Variants in MYO1E observed in about 807,000 individuals in gnomAD.
The protein encoded by MYO1E is unconventional myosin-Ie.
Under a neutral mutation model 151.1 loss-of-function variants are expected in MYO1E, and 68 were observed. The observed-to-expected ratio is 0.45, with a 90% CI of 0.37 to 0.55. MYO1E has a LOEUF of 0.55. Among genes scored for constraint, MYO1E ranks in the 20% least tolerant of loss-of-function variants. MYO1E has a pLI of 0.00. For synonymous variants in MYO1E, 601 were observed against 501.7 expected, an observed-to-expected ratio of 1.20 and a Z score of -2.64; for missense variants, 1,363 against 1,389.3, an observed-to-expected ratio of 0.98 and a Z score of 0.30.
intron 10 of MYO1E, among the ~76,000 whole-genome samples, chr15:59,217,202 G>A (rs940407985): frequency 7.9e-5 from 12 of 152,162 alleles, no homozygotes; most frequent in Admixed American, 2.0e-4. Flanking sequence ...AAGTGCTTAT[G>A]GTTTCAAGCC....
At chr15:59,148,127 TG>T (rs2079453056) in intron 26 of MYO1E, among the ~76,000 whole-genome samples, 1 of 151,840 alleles carries the variant, frequency 6.6e-6, no homozygotes, top group Non-Finnish European at 1.5e-5. Context: ...CCCTGAGGAG[TG>T]GGTTTTCAAA....
At chr15:59,344,148 C>T (rs1259466373) in intron 1 of MYO1E, among the ~76,000 whole-genome samples, 1 of 152,208 alleles carries the variant, frequency 6.6e-6, no homozygotes, top group Non-Finnish European at 1.5e-5. Context: ...ACCCATCCTT[C>T]TTGGGAAGGC....
At chr15:59,372,361 G>T (rs532832585) in intron 1 of MYO1E, 137 bp downstream of exon 1, 2 of 1,068,980 alleles carry the variant, frequency 1.9e-6, no homozygotes, top group Admixed American at 2.0e-5. Context: ...GGAAATCAGA[G>T]CTCGCGACGT....
chr15:59,362,324 C>A (rs1438970000), intron 1 of MYO1E, among the ~76,000 whole-genome samples: 3 of 152,164 alleles, frequency 2.0e-5, no homozygotes, highest in African/African-American at 4.8e-5. Flanking sequence ...CATATTGATA[C>A]CATATTATCA....
At chr15:59,299,804 G>A (rs184480772) in intron 1 of MYO1E, among the ~76,000 whole-genome samples, 5 of 152,238 alleles carry the variant, frequency 3.3e-5, no homozygotes, top group Non-Finnish European at 7.4e-5. Context: ...AGAAACACCA[G>A]CCCAAATTCT....
intron 18 of MYO1E, among the ~76,000 whole-genome samples, chr15:59,185,614 G>C (rs2140324011): frequency 6.6e-6 from 1 of 152,346 alleles, no homozygotes; most frequent in South Asian, 2.1e-4. Flanking sequence ...GGTAGCTGAT[G>C]CCTGTAATCC....
At chr15:59,261,534 A>G (rs369655005) in intron 2 of MYO1E, 25 bp from the exon 3 acceptor site, 22 of 1,400,346 alleles carry the variant, frequency 1.6e-5, no homozygotes, top group Non-Finnish European at 2.1e-5. Context: ...GTTAAGGTCC[A>G]TCATTAATAT....
At chr15:59,207,479 G>A in intron 14 of MYO1E, 3 of 1,613,950 alleles carry the variant, frequency 1.9e-6, no homozygotes, top group Non-Finnish European at 2.5e-6. Flanking sequence ...AGCCCCCACT[G>A]CAAACTGATT....
At chr15:59,208,136 G>A in intron 14 of MYO1E, 1 of 1,472,014 alleles carries the variant, frequency 6.8e-7, no homozygotes, top group Non-Finnish European at 9.1e-7. Context: ...CATAGATACA[G>A]GATTATATAA....
At chr15:59,237,628 G>T (rs146847033) in intron 4 of MYO1E, among the ~76,000 whole-genome samples, 3,584 of 145,384 alleles carry the variant, frequency 0.025, 86 homozygotes, top group Non-Finnish European at 0.028. Context: ...CAAGTTCATA[G>T]GACAATATTT....
intron 4 of MYO1E, among the ~76,000 whole-genome samples, chr15:59,241,175 A>C (rs77500619): frequency 0.031 from 4,760 of 152,304 alleles, 248 homozygotes; most frequent in African/African-American, 0.11. Context: ...TGAGCCATAC[A>C]TAAGAGGCAA....
At chr15:59,206,767 G>C in intron 14 of MYO1E, 2 of 619,162 alleles carry the variant, frequency 3.2e-6, no homozygotes, top group South Asian at 2.0e-5. Context: ...CCCACGGAAA[G>C]CACGTGTCGG....
chr15:59,179,127 T>G (rs899624122), intron 18 of MYO1E, among the ~76,000 whole-genome samples: 1 of 152,164 alleles, frequency 6.6e-6, no homozygotes, highest in Non-Finnish European at 1.5e-5. Flanking sequence ...ACCATGCCCT[T>G]TCCTTCCTCG....
chr15:59,222,777 G>C (rs2079963977), intron 9 of MYO1E, among the ~76,000 whole-genome samples: 1 of 152,150 alleles, frequency 6.6e-6, no homozygotes. Flanking sequence ...TTAAACCAAG[G>C]TGTGAAATCC....
rs774652175 is a variant in MYO1E, at chr15:59,224,705, TCCCGCC to T, written c.755_760del (p.Arg252_Glu254delinsLys). 2.5e-4 allele frequency: 400 copies of T among 1,614,040 alleles called. No homozygotes were observed. The highest frequency in any genetic ancestry group is 3.2e-4 in the Non-Finnish European group (377 of 1,180,034). ...AGCACTTACCAGAGTTTCCTGAAAC[TCCCGCC>T]TGTCGTCAATGTCATCAACCTTGTA... is the stretch of plus-strand genomic sequence containing the variant. On this transcript the variant is annotated inframe_deletion, in exon 8 of 28. Transcript: ENST00000288235.
chr15:59,202,079 C>T (rs1432120742), intron 16 of MYO1E, among the ~76,000 whole-genome samples: 2 of 152,172 alleles, frequency 1.3e-5, no homozygotes, highest in African/African-American at 2.4e-5. Flanking sequence ...TAGAAAGTAG[C>T]TGATTATCAT....
chr15:59,329,891 A>G (rs1282712402), intron 1 of MYO1E, among the ~76,000 whole-genome samples: 1 of 152,258 alleles, frequency 6.6e-6, no homozygotes, highest in Admixed American at 6.5e-5. Context: ...AATATTATTC[A>G]TGGAGGGAAA....
chr15:59,282,680 TACACAA>T (rs1421704450), intron 1 of MYO1E, among the ~76,000 whole-genome samples: 2 of 150,356 alleles, frequency 1.3e-5, no homozygotes, highest in Non-Finnish European at 3.0e-5. Context: ...ACCCCATCTC[TACACAA>T]AATCAAAACA....
Position 59,189,396 on chromosome 15 carries a change from T to TTTTC in MYO1E, c.1806-1184_1806-1181dup, listed in dbSNP as rs556562476. The stretch of plus-strand genomic sequence containing the variant: ...TCCTTTCCCTTCACTTTCCCTTCCC[T>TTTTC]TTTCTTTCTTTCTTTCCCTTTCCCT... On this transcript the variant is annotated intron_variant, in intron 17 of 27. Transcript: ENST00000288235. 9.2e-5 allele frequency among the ~76,000 whole-genome samples: 14 copies of TTTTC among 152,080 alleles called. No homozygotes were observed. The East Asian group carries it at 1.9e-3, about 21-fold the overall frequency.
Sources: gnomAD v4.1 joint callset for allele counts (sites outside exome capture counted in the v4.1 genomes callset) on GRCh38, gnomAD v4.1.1 for gene constraint, MANE v1.5 for transcripts, NCBI Gene and HGNC (gene_info 2026-07-23, HGNC 2026-07-21) for gene names.